TUT7: variants seen among roughly 807,000 people sequenced by gnomAD.
The protein encoded by TUT7 is terminal uridylyltransferase 7.
A neutral mutation model predicts 165.9 loss-of-function variants in TUT7; 33 were observed. That is an observed-to-expected ratio of 0.20 (90% CI 0.15 to 0.27). TUT7 has a LOEUF of 0.27. Among genes scored for constraint, TUT7 ranks in the 10% least tolerant of loss-of-function variants. The pLI is 1.00. For missense variants in TUT7, 1,338 were observed against 1,762.3 expected, an observed-to-expected ratio of 0.76 and a Z score of 4.31; for synonymous variants, 552 against 608.1, an observed-to-expected ratio of 0.91 and a Z score of 1.36.
chr9:86,305,390 A>C, intron 22 of TUT7, 151 bp from the exon 23 acceptor site: 1 of 551,832 alleles, frequency 1.8e-6, no homozygotes, highest in Non-Finnish European at 3.2e-6. Context: ...AAAGAAGTGC[A>C]AAAAAAAGTT....
chr9:86,323,250 C>G lies in TUT7; in HGVS notation c.2500G>C (p.Val834Leu), dbSNP rs1829484350. 1 of 1,613,986 alleles carries G rather than the reference C, an allele frequency of 6.2e-7. No homozygotes were observed. The highest frequency in any genetic ancestry group is 1.7e-5 in the Admixed American group (1 of 59,976). The change falls in exon 13 of 27, where the codon GTA becomes CTA. Residue 834 changes from valine to leucine, a missense_variant. Physicochemically the swap from Val to Leu is conservative, Grantham distance 32. This residue lies in a region of TUT7 where 425 missense variants were observed against 474.9 expected (regional missense o/e 0.89). Transcript: ENST00000375963. ...ATCATTTCTGATGTCTGGCCCTGTA[C>G]TGAGTGGGTAAAGTGGTTTAGAGAG... Reference protein sequence around the residue: ...EDSLNHFTHSVQGQTSEMIPS... With the variant: ...EDSLNHFTHSLQGQTSEMIPS...
At position 86,301,416 on chromosome 9, in the gene TUT7, A is replaced by T. The variant is rs774714607; in HGVS notation, c.4280T>A (p.Leu1427Gln). 6 of 1,614,094 alleles carry T rather than the reference A, an allele frequency of 3.7e-6. No homozygotes were observed. The highest frequency in any genetic ancestry group is 5.1e-6 in the Non-Finnish European group (6 of 1,179,996). Residue 1427 changes from leucine to glutamine, a missense_variant, in exon 26 of 27, where the codon CTG becomes CAG. Leu to Gln is a moderately radical substitution (Grantham distance 113). Around this residue, in one of 7 missense-constraint regions of TUT7, gnomAD observed 167 missense variants for 204.9 expected, o/e 0.82. Coordinates refer to ENST00000375963, the MANE Select transcript of TUT7 (RefSeq NM_024617.4). The part of the protein sequence containing the change: ...KAKPMRAAAD[L>Q]GREKILRPPV... Reference sequence around the variant, plus strand: ...TGGCCTGAGGATCTTCTCCCTCCCCAGGTCAGCAGCTGCCCGCATTGGCTT... The same window carrying T: ...TGGCCTGAGGATCTTCTCCCTCCCCTGGTCAGCAGCTGCCCGCATTGGCTT...
chr9:86,318,420 A>G (rs12683390), intron 16 of TUT7, among the ~76,000 whole-genome samples: 3,265 of 152,340 alleles, frequency 0.021, 99 homozygotes, highest in African/African-American at 0.069. Flanking sequence ...CCCAAGGGCC[A>G]TCGTTTGCTA....
At chr9:86,351,550 C>CT (rs1320032634) in intron 2 of TUT7, among the ~76,000 whole-genome samples, 1 of 152,198 alleles carries the variant, frequency 6.6e-6, no homozygotes, top group Non-Finnish European at 1.5e-5. Context: ...GTGCTTGAGA[C>CT]TTTCATTTTT....
At chr9:86,326,107 C>A (rs959768880) in intron 11 of TUT7, among the ~76,000 whole-genome samples, 5 of 152,166 alleles carry the variant, frequency 3.3e-5, no homozygotes, top group African/African-American at 1.2e-4. Context: ...TTAGAAAGTA[C>A]ATATTACTTA....
chr9:86,302,409 G>C (rs901124949), intron 25 of TUT7, among the ~76,000 whole-genome samples: 1 of 152,210 alleles, frequency 6.6e-6, no homozygotes, highest in African/African-American at 2.4e-5. Flanking sequence ...CTGTGCATTA[G>C]AGATGTAACT....
chr9:86,324,093 C>CT, intron 12 of TUT7, 133 bp from the exon 13 acceptor site: 1 of 862,052 alleles, frequency 1.2e-6, no homozygotes, highest in South Asian at 2.4e-5. Flanking sequence ...ATTTTATAGA[C>CT]TTAAAAAAAA....
At position 86,346,389 on chromosome 9, in the gene TUT7, G is replaced by C; in HGVS notation, c.612C>G (p.Ile204Met). The C allele has an allele frequency of 6.2e-7, 1 of 1,614,050 alleles. No homozygotes were observed. The highest frequency in any genetic ancestry group is 8.5e-7 in the Non-Finnish European group (1 of 1,179,976). Residue 204 changes from isoleucine to methionine, a missense_variant, in exon 3 of 27, where the codon ATC becomes ATG. By Grantham distance (10) the Ile-to-Met change is conservative. This residue lies in a region of TUT7 where 434 missense variants were observed against 480.8 expected (regional missense o/e 0.90). Transcript: ENST00000375963. ...EQDGDLEGPVIDESVLSTKEL... is the reference protein window; with the variant it reads ...EQDGDLEGPVMDESVLSTKEL... Reference sequence around the variant, plus strand: ...CCTTCGTTGAAAGTACAGACTCATCGATCACAGGGCCTTCCAAGTCTCCAT... The same window carrying C: ...CCTTCGTTGAAAGTACAGACTCATCCATCACAGGGCCTTCCAAGTCTCCAT...
In TUT7 at chr9:86,322,324, C is replaced by G; in HGVS notation, c.3028+1G>C. 1 of 1,609,890 alleles carries G rather than the reference C, an allele frequency of 6.2e-7. No individual in the cohort carries two copies. On this transcript the variant is annotated splice_donor_variant, in intron 14 of 26. Coordinates refer to ENST00000375963, the MANE Select transcript of TUT7 (RefSeq NM_024617.4). LOFTEE classifies it high-confidence loss of function. ...AATCAAAAGAAATGTGAATAACTTA[C>G]TATAACACTGGATACAGACTTGATC...
chr9:86,346,595 G>A lies in TUT7; in HGVS notation c.521-115C>T, dbSNP rs867750951. The A allele has an allele frequency of 2.1e-5, 23 of 1,070,470 alleles. No homozygotes were observed. The Middle Eastern group carries it at 2.8e-3, about 129-fold the overall frequency. The allele number at this position is 1,070,470 out of a possible 1,614,324, so 66.3% of individuals were successfully genotyped here. A position where few individuals can be genotyped will look rare whatever the true frequency, so the allele number is the denominator to read the frequency against. On this transcript the variant is annotated intron_variant, in intron 2 of 26. Coordinates refer to ENST00000375963, the MANE Select transcript of TUT7 (RefSeq NM_024617.4). ...AGAGAATAAATCACATCTGCATGCA[G>A]AGCAGAAGGAAAGGTAGCTGTCCTA... is the stretch of plus-strand genomic sequence containing the variant.
chr9:86,328,958 T>C (rs772116175), intron 10 of TUT7, among the ~76,000 whole-genome samples: 34 of 152,318 alleles, frequency 2.2e-4, no homozygotes, highest in Non-Finnish European at 4.3e-4. Context: ...TATCTGCTTG[T>C]AGCATACAGC....
At chr9:86,310,166 C>T (rs1587890150) in intron 18 of TUT7, 149 bp from the exon 19 acceptor site, 1 of 585,530 alleles carries the variant, frequency 1.7e-6, no homozygotes, top group East Asian at 3.1e-5. Context: ...TGATCCTCCC[C>T]CATCAGCCTC....
intron 8 of TUT7, among the ~76,000 whole-genome samples, chr9:86,339,551 T>A (rs748059210): frequency 2.6e-5 from 4 of 152,138 alleles, no homozygotes; most frequent in Admixed American, 6.5e-5. Context: ...GCATGATTCA[T>A]CTCTGTAACA....
chr9:86,339,135 T>C (rs1362353415), intron 8 of TUT7, among the ~76,000 whole-genome samples, 186 bp from the exon 9 acceptor site: 1 of 152,232 alleles, frequency 6.6e-6, no homozygotes, highest in Non-Finnish European at 1.5e-5. Flanking sequence ...ACAAAAAAGA[T>C]ATCGTGGCTA....
intron 26 of TUT7, among the ~76,000 whole-genome samples, chr9:86,291,722 A>G (rs1276022219): frequency 6.6e-6 from 1 of 152,244 alleles, no homozygotes; most frequent in African/African-American, 2.4e-5. Context: ...TTGGAAGAAT[A>G]CATAGAAATG....
chr9:86,342,217 C>A lies in TUT7; in HGVS notation c.1086+858G>T, dbSNP rs1831385703. ...GGCTGGCCAGGCTGTTCATGAACTC[C>A]TGGGCTCAAGTAACCCTCCAACCTC... On this transcript the variant is annotated intron_variant, in intron 6 of 26. Transcript: ENST00000375963. Among the ~76,000 whole-genome samples the A allele has an allele frequency of 2.6e-5, 4 of 152,078 alleles. No individual in the cohort carries two copies. The South Asian group carries it at 8.3e-4, about 31-fold the overall frequency.
chr9:86,341,079 G>C (rs1467589918), intron 6 of TUT7, 26 bp from the exon 7 acceptor site: 6 of 1,589,368 alleles, frequency 3.8e-6, no homozygotes, highest in Non-Finnish European at 5.2e-6. Flanking sequence ...ATGAATACAT[G>C]AAATTATTCC....
rs550128473 is a variant in TUT7 at position 86,302,560 on chromosome 9, C to T, written c.4094+526G>A. Among the ~76,000 whole-genome samples the T allele has an allele frequency of 5.3e-5, 8 of 151,820 alleles. No homozygotes were observed. The South Asian group carries it at 1.7e-3, about 32-fold the overall frequency. ...CTTGAACTCCTGGCCTCAAGTGATC[C>T]GCCTGCCTTGGCCTCCCAAAGTGCT... On this transcript the variant is annotated intron_variant, in intron 25 of 26. Coordinates refer to ENST00000375963, the MANE Select transcript of TUT7 (RefSeq NM_024617.4).
At chr9:86,325,223 G>T in intron 12 of TUT7, 111 bp downstream of exon 12, 1 of 984,590 alleles carries the variant, frequency 1.0e-6, no homozygotes, top group Non-Finnish European at 1.5e-6. Flanking sequence ...TTTGAGGGCA[G>T]GCCTACCTTA....
Sources: gnomAD v4.1 joint callset for allele counts (sites outside exome capture counted in the v4.1 genomes callset) on GRCh38, gnomAD v4.1.1 for gene constraint, gnomAD v4.1.1 regional missense constraint, MANE v1.5 for transcripts, NCBI Gene and HGNC (gene_info 2026-07-23, HGNC 2026-07-21) for gene names.